The following RSU1 variants were observed in gnomAD, a reference collection of about 807,000 sequenced individuals.
The protein encoded by RSU1 is Ras suppressor protein 1, also known as rsu-1.
In RSU1, 26 loss-of-function variants were observed where a neutral mutation model predicts 31.1. The observed-to-expected ratio is 0.84, with a 90% CI of 0.61 to 1.16. The LOEUF (loss-of-function observed/expected upper bound fraction) is 1.16. Among genes scored for constraint, RSU1 ranks in the 50% most tolerant of loss-of-function variants. The probability of loss-of-function intolerance (pLI) is 0.00; values close to 1 mark genes in which losing one functional copy is unlikely to be tolerated. For synonymous variants in RSU1, 164 were observed against 136.3 expected (o/e 1.20, Z -1.41); for missense variants, 320 against 339.1 (o/e 0.94, Z 0.44).
At chr10:16,614,888 C>T (rs974531079) in intron 8 of RSU1, among the ~76,000 whole-genome samples, 1 of 151,906 alleles carries the variant, frequency 6.6e-6, no homozygotes, top group African/African-American at 2.4e-5. Flanking sequence ...TGAGGAAGCA[C>T]TAAATATGGA....
chr10:16,744,807 T>C (rs1836817546), intron 7 of RSU1, among the ~76,000 whole-genome samples: 1 of 152,176 alleles, frequency 6.6e-6, no homozygotes, highest in South Asian at 2.1e-4. Context: ...GGCATACTCT[T>C]CTTGCTATGT....
intron 2 of RSU1, among the ~76,000 whole-genome samples, chr10:16,790,302 G>C (rs887318395): frequency 6.6e-6 from 1 of 152,130 alleles, no homozygotes. Flanking sequence ...GATTAGCCTG[G>C]AATGGTCTTG....
chr10:16,667,162 C>T (rs909398048), intron 8 of RSU1, among the ~76,000 whole-genome samples: 1 of 152,164 alleles, frequency 6.6e-6, no homozygotes, highest in African/African-American at 2.4e-5. Flanking sequence ...GGAACTTATA[C>T]TTTAGCTGTC....
chr10:16,798,721 C>T lies in RSU1; in HGVS notation c.110-16637G>A, dbSNP rs1838090128. ...CAATTTTCAAACTTTAAAGAGCATA[C>T]TACATACCTGGGAAATAATCAGACC... On this transcript the variant is annotated intron_variant, in intron 2 of 8. Transcript: ENST00000345264. 2.0e-5 allele frequency among the ~76,000 whole-genome samples: 3 copies of T among 152,234 alleles called. No individual in the cohort carries two copies. In the South Asian group the frequency reaches 6.2e-4, roughly 32 times the overall value.
At chr10:16,605,419 G>T (rs765708164) in intron 8 of RSU1, among the ~76,000 whole-genome samples, 1 of 152,188 alleles carries the variant, frequency 6.6e-6, no homozygotes, top group African/African-American at 2.4e-5. Flanking sequence ...TTGACTTAAT[G>T]AAAGTGTGTA....
intron 8 of RSU1, among the ~76,000 whole-genome samples, chr10:16,632,581 C>T (rs1474527085): frequency 6.6e-6 from 1 of 152,236 alleles, no homozygotes; most frequent in Non-Finnish European, 1.5e-5. Flanking sequence ...CCCCACAACA[C>T]CTGATTTTCC....
At chr10:16,750,991 G>C (rs1182827626) in intron 7 of RSU1, among the ~76,000 whole-genome samples, 1 of 151,492 alleles carries the variant, frequency 6.6e-6, no homozygotes, top group East Asian at 2.0e-4. Context: ...TCAGCCTCCC[G>C]AGTAGCTGGG....
intron 2 of RSU1, among the ~76,000 whole-genome samples, chr10:16,788,424 T>G (rs569299403): frequency 1.3e-5 from 2 of 152,152 alleles, no homozygotes; most frequent in Non-Finnish European, 2.9e-5. Flanking sequence ...CCCTCATGAA[T>G]GAGGTTAAGT....
At chr10:16,600,782 A>G (rs1388083016) in intron 8 of RSU1, among the ~76,000 whole-genome samples, 1 of 152,046 alleles carries the variant, frequency 6.6e-6, no homozygotes, top group East Asian at 1.9e-4. Context: ...GGCTGGTTTC[A>G]AACTCTGGGG....
chr10:16,594,648 GAT>G (rs1833578079), intron 8 of RSU1, among the ~76,000 whole-genome samples: 1 of 141,938 alleles, frequency 7.0e-6, no homozygotes, highest in Non-Finnish European at 1.5e-5. Context: ...TGATATATAT[GAT>G]ATATATCATA....
chr10:16,717,264 T>C (rs1331973703), intron 7 of RSU1, among the ~76,000 whole-genome samples: 1 of 152,180 alleles, frequency 6.6e-6, no homozygotes, highest in Non-Finnish European at 1.5e-5. Flanking sequence ...ATGGTGAGTG[T>C]GCAGATATTA....
At chr10:16,800,761 G>C (rs531052686) in intron 2 of RSU1, among the ~76,000 whole-genome samples, 5 of 152,258 alleles carry the variant, frequency 3.3e-5, no homozygotes, top group African/African-American at 1.2e-4. Context: ...AGTGAGTTAA[G>C]ATTAATTGTA....
intron 8 of RSU1, among the ~76,000 whole-genome samples, chr10:16,642,950 A>G (rs1476123821): frequency 6.6e-6 from 1 of 152,230 alleles, no homozygotes; most frequent in Non-Finnish European, 1.5e-5. Context: ...TTAAAATGTT[A>G]ATTTTAAGAG....
At chr10:16,786,237 C>G (rs532252844) in intron 2 of RSU1, among the ~76,000 whole-genome samples, 8 of 152,162 alleles carry the variant, frequency 5.3e-5, no homozygotes, top group Non-Finnish European at 1.2e-4. Flanking sequence ...TTTAGTTATA[C>G]TTGCATGGCT....
At chr10:16,780,741 T>G (rs1837632622) in intron 3 of RSU1, among the ~76,000 whole-genome samples, 1 of 152,214 alleles carries the variant, frequency 6.6e-6, no homozygotes, top group Non-Finnish European at 1.5e-5. Context: ...GAATCCCTTC[T>G]GAACTGAGAA....
intron 2 of RSU1, among the ~76,000 whole-genome samples, chr10:16,797,850 TTTC>T (rs202146157): frequency 1.0e-4 from 13 of 125,872 alleles, no homozygotes; most frequent in African/African-American, 4.7e-4. Context: ...AAAGTGGGGA[TTTC>T]TTCTTTTTTT....
At chr10:16,695,366 G>A (rs1835654641) in intron 7 of RSU1, among the ~76,000 whole-genome samples, 1 of 152,152 alleles carries the variant, frequency 6.6e-6, no homozygotes, top group Admixed American at 6.5e-5. Context: ...ACAAAGGAAG[G>A]AAGAAAGAAG....
chr10:16,666,563 G>C (rs1265245292), intron 8 of RSU1, among the ~76,000 whole-genome samples: 1 of 152,020 alleles, frequency 6.6e-6, no homozygotes, highest in Non-Finnish European at 1.5e-5. Flanking sequence ...GGATCACATA[G>C]TGTTTGCACT....
At chr10:16,672,761 A>G (rs1180346977) in intron 8 of RSU1, among the ~76,000 whole-genome samples, 1 of 152,224 alleles carries the variant, frequency 6.6e-6, no homozygotes, top group African/African-American at 2.4e-5. Flanking sequence ...TGGTTTATAC[A>G]TGGGCATAAA....
Sources: gnomAD v4.1 joint callset for allele counts (sites outside exome capture counted in the v4.1 genomes callset) on GRCh38, gnomAD v4.1.1 for gene constraint, MANE v1.5 for transcripts, NCBI Gene and HGNC (gene_info 2026-07-23, HGNC 2026-07-21) for gene names.